The following SLC12A1 variants were observed in gnomAD, a reference collection of about 807,000 sequenced individuals.
SLC12A1 encodes the protein solute carrier family 12 member 1.
Under a neutral mutation model 130.4 loss-of-function variants are expected in SLC12A1, and 89 were observed. That is an observed-to-expected ratio of 0.68 (90% CI 0.58 to 0.81). SLC12A1 has a LOEUF of 0.81. Ranked by LOEUF, SLC12A1 falls within the 40% of genes least tolerant of loss-of-function variation. SLC12A1 has a pLI of 0.00. For synonymous variants in SLC12A1, 499 were observed against 460.0 expected (o/e 1.08, Z -1.09); for missense variants, 1,310 against 1,336.4 (o/e 0.98, Z 0.31).
intron 2 of SLC12A1, among the ~76,000 whole-genome samples, chr15:48,212,902 T>C (rs1314978535): frequency 1.3e-5 from 2 of 152,234 alleles, no homozygotes; most frequent in Non-Finnish European, 2.9e-5. Flanking sequence ...AAGCATTAAC[T>C]TTAAATGCAG....
chr15:48,295,487 AC>A lies in SLC12A1; in HGVS notation c.2960+3624del, dbSNP rs140090564. ...AACCAAGCCTCTTTATTCTTTGAATACTTTTCATAGTCTAGACACTTTTCTT... is the reference window on the plus strand; with the variant it reads ...AACCAAGCCTCTTTATTCTTTGAATATTTTCATAGTCTAGACACTTTTCTT... On this transcript the variant is annotated intron_variant, in intron 24 of 26. Coordinates refer to ENST00000380993, the MANE Select transcript of SLC12A1 (RefSeq NM_000338.3). 7.9e-3 allele frequency among the ~76,000 whole-genome samples: 1,195 copies of A among 152,218 alleles called. 52 individuals are homozygous for A. The East Asian group carries it at 0.11, about 14-fold the overall frequency.
At chr15:48,248,110 C>T (rs1195840969) in intron 13 of SLC12A1, among the ~76,000 whole-genome samples, 1 of 152,172 alleles carries the variant, frequency 6.6e-6, no homozygotes, top group Non-Finnish European at 1.5e-5. Flanking sequence ...CCCACTTTTG[C>T]TGATGAGCAT....
In SLC12A1 at chr15:48,280,196, T is replaced by C. The variant is rs980992265; in HGVS notation, c.2486-4910T>C. 2.0e-5 allele frequency among the ~76,000 whole-genome samples: 3 copies of C among 149,016 alleles called. No individual in the cohort carries two copies. In the East Asian group the frequency reaches 5.9e-4, roughly 29 times the overall value. ...AAAAAAAAAAAAAAGACTGGGGACATAACATTTGAAGCAATCTTGACAAGT... is the reference window on the plus strand; with the variant it reads ...AAAAAAAAAAAAAAGACTGGGGACACAACATTTGAAGCAATCTTGACAAGT... On this transcript the variant is annotated intron_variant, in intron 20 of 26. Transcript: ENST00000380993.
In SLC12A1 at chr15:48,220,675, C is replaced by A. The variant is rs765175595; in HGVS notation, c.462C>A (p.Asn154Lys). The change falls in exon 3 of 27, where the codon AAC becomes AAA. Residue 154 changes from asparagine to lysine, a missense_variant. Asn to Lys is a moderately conservative substitution (Grantham distance 94). Coordinates refer to ENST00000380993, the MANE Select transcript of SLC12A1 (RefSeq NM_000338.3). ...CAAGTTCAGCTGACAGAGTTGCTAA[C>A]GGTGATGGGATACCTGGAGATGAAC... ...VTPSSADRVA[N>K]GDGIPGDEQA... 2.5e-6 allele frequency: 4 copies of A among 1,613,506 alleles called. No individual in the cohort carries two copies. Among genetic ancestry groups the A allele is most frequent in the Non-Finnish European group, 2.5e-6 (3 of 1,179,680 alleles).
At chr15:48,258,900 G>C (rs1309085030) in intron 16 of SLC12A1, among the ~76,000 whole-genome samples, 1 of 152,064 alleles carries the variant, frequency 6.6e-6, no homozygotes, top group Non-Finnish European at 1.5e-5. Flanking sequence ...CACAATACGT[G>C]GCAATTATGG....
chr15:48,288,616 C>T lies in SLC12A1; in HGVS notation c.2873+100C>T, dbSNP rs34099259. 3,456 of 633,152 alleles carry T rather than the reference C, an allele frequency of 5.5e-3. 44 individuals are homozygous for T. Among genetic ancestry groups the T allele is most frequent in the Middle Eastern group, 0.028 (85 of 3,070 alleles). 39.2% of individuals were successfully genotyped at this position (633,152 alleles called of 1,614,324 possible). A position where few individuals can be genotyped will look rare whatever the true frequency, so the allele number is the denominator to read the frequency against. ...AAGTGTCTCTGAGACACAATAGACTCAAAGACAAAGCCACCAGGATAGGCC... is the reference window on the plus strand; with the variant it reads ...AAGTGTCTCTGAGACACAATAGACTTAAAGACAAAGCCACCAGGATAGGCC... On this transcript the variant is annotated intron_variant, in intron 23 of 26. Coordinates refer to ENST00000380993, the MANE Select transcript of SLC12A1 (RefSeq NM_000338.3).
At chr15:48,215,892 C>T (rs765849302) in intron 2 of SLC12A1, among the ~76,000 whole-genome samples, 3 of 152,244 alleles carry the variant, frequency 2.0e-5, no homozygotes, top group Non-Finnish European at 2.9e-5. Context: ...TGATGGAGGA[C>T]GTACCCTGAA....
At chr15:48,264,613 G>A (rs1441832173) in intron 17 of SLC12A1, among the ~76,000 whole-genome samples, 1 of 151,998 alleles carries the variant, frequency 6.6e-6, no homozygotes, top group Non-Finnish European at 1.5e-5. Context: ...ACCTATGAAT[G>A]GGCACTAGCA....
rs1185924805 is a variant in SLC12A1, at chr15:48,207,928, A to G, written c.209A>G (p.Tyr70Cys). The stretch of plus-strand genomic sequence containing the variant: ...TTTAGGCCTGGGAATCAGGAGTGCT[A>G]TGACAATTTCCTCCAAAGTGGAGAA... Reference protein sequence around the residue: ...ISFRPGNQECYDNFLQSGETA... With the variant: ...ISFRPGNQECCDNFLQSGETA... The change falls in exon 2 of 27, where the codon TAT (tyrosine) becomes TGT (cysteine). Residue 70 changes from tyrosine (Y) to cysteine (C), a missense_variant. Tyr to Cys is a radical substitution (Grantham distance 194, BLOSUM62 -2). Transcript: ENST00000380993. The G allele has an allele frequency of 1.2e-6, 2 of 1,614,040 alleles. No individual in the cohort carries two copies. Among genetic ancestry groups the G allele is most frequent in the Admixed American group, 1.7e-5 (1 of 60,028 alleles).
chr15:48,260,712 G>A (rs2041765309), intron 17 of SLC12A1, among the ~76,000 whole-genome samples: 1 of 152,120 alleles, frequency 6.6e-6, no homozygotes, highest in Non-Finnish European at 1.5e-5. Flanking sequence ...TTGAAATCCA[G>A]CACCACTACT....
At chr15:48,245,309 T>C (rs1002474982) in intron 11 of SLC12A1, among the ~76,000 whole-genome samples, 3 of 152,088 alleles carry the variant, frequency 2.0e-5, no homozygotes, top group Non-Finnish European at 2.9e-5. Context: ...ATGAGTGTAT[T>C]GTGTGATTCT....
intron 20 of SLC12A1, among the ~76,000 whole-genome samples, chr15:48,280,724 C>T (rs183136819): frequency 1.3e-5 from 2 of 152,252 alleles, no homozygotes; most frequent in African/African-American, 4.8e-5. Context: ...GCTTCCATTT[C>T]CCAGGCTCTT....
At chr15:48,214,394 T>G (rs562373803) in intron 2 of SLC12A1, among the ~76,000 whole-genome samples, 1 of 152,230 alleles carries the variant, frequency 6.6e-6, no homozygotes, top group Non-Finnish European at 1.5e-5. Context: ...CATTTTCTTT[T>G]TCATATGCCA....
chr15:48,273,302 T>C (rs561362520), intron 19 of SLC12A1, among the ~76,000 whole-genome samples: 10 of 152,218 alleles, frequency 6.6e-5, no homozygotes, highest in African/African-American at 2.2e-4. Flanking sequence ...CGATGGCTGG[T>C]CAAGTTCCTC....
chr15:48,249,575 C>T lies in SLC12A1; in HGVS notation c.1685C>T (p.Ala562Val), dbSNP rs769782252. The T allele has an allele frequency of 3.1e-6, 5 of 1,611,480 alleles. No homozygotes were observed. The highest frequency in any genetic ancestry group is 3.4e-6 in the Non-Finnish European group (4 of 1,177,750). The change falls in exon 14 of 27, where the codon GCG (alanine) becomes GTG (valine). Residue 562 changes from alanine (A) to valine (V), a missense_variant and splice_region_variant. Coordinates refer to ENST00000380993, the MANE Select transcript of SLC12A1 (RefSeq NM_000338.3). ...ATGTTCAATTCTGTTACTTTTACAG[C>T]GGAACTGAACACCATTGCTCCCATC... is the stretch of plus-strand genomic sequence containing the variant. ...FLIAMAFILIAELNTIAPIIS... is the reference protein window; with the variant it reads ...FLIAMAFILIVELNTIAPIIS...
Position 48,285,197 on chromosome 15 carries a change from C to T in SLC12A1, c.2577C>T (p.Gly859=), listed in dbSNP as rs752794098. Residue 859 remains glycine, a synonymous_variant, in exon 21 of 27, where the codon GGC becomes GGT. Transcript: ENST00000380993. ...ECEEESGGIR[G]LFKKAGKLNI... Reference sequence around the variant, plus strand: ...AAGAGGAAAGTGGAGGCATCCGAGGCTTGTTTAAAAAAGCTGGCAAGTTGA... The same window carrying T: ...AAGAGGAAAGTGGAGGCATCCGAGGTTTGTTTAAAAAAGCTGGCAAGTTGA... 2.2e-5 allele frequency: 36 copies of T among 1,613,690 alleles called. No individual in the cohort carries two copies. Among genetic ancestry groups the T allele is most frequent in the Non-Finnish European group, 2.8e-5 (33 of 1,179,812 alleles).
chr15:48,245,964 G>GA lies in SLC12A1; in HGVS notation c.1453-940dup, dbSNP rs201247407. Among the ~76,000 whole-genome samples the GA allele has an allele frequency of 8.5e-3, 1,296 of 152,258 alleles. 22 individuals carry two copies. The highest frequency in any genetic ancestry group is 0.03 in the African/African-American group (1,233 of 41,550). Reference sequence around the variant, plus strand: ...AGAGGGAACGTAAATAAGGGGGAAGGAAAAATGGAAGTTAGGAAAACTGTA... The same window carrying GA: ...AGAGGGAACGTAAATAAGGGGGAAGGAAAAAATGGAAGTTAGGAAAACTGTA... On this transcript the variant is annotated intron_variant, in intron 11 of 26. Transcript: ENST00000380993.
At chr15:48,217,752 G>C (rs1294971443) in intron 2 of SLC12A1, 1 of 152,182 alleles carries the variant, frequency 6.6e-6, no homozygotes, top group East Asian at 1.9e-4. Flanking sequence ...TTAAGGGGTA[G>C]AGATCACGAA....
At chr15:48,254,649 C>G in intron 15 of SLC12A1, among the ~76,000 whole-genome samples, 1 of 141,372 alleles carries the variant, frequency 7.1e-6, no homozygotes, top group East Asian at 2.1e-4. Flanking sequence ...AGACCGGGCA[C>G]GGTGGCTCAC....
Sources: gnomAD v4.1 joint callset for allele counts (sites outside exome capture counted in the v4.1 genomes callset) on GRCh38, gnomAD v4.1.1 for gene constraint, MANE v1.5 for transcripts, NCBI Gene and HGNC (gene_info 2026-07-23, HGNC 2026-07-21) for gene names.